The following BMERB1 variants were observed in gnomAD, a reference collection of about 807,000 sequenced individuals.
The protein encoded by BMERB1 is bMERB domain containing 1.
In BMERB1, 12 loss-of-function variants were observed where a neutral mutation model predicts 23.6. The ratio of observed to expected loss-of-function variants is 0.51; its 90% CI spans 0.33 to 0.82. The LOEUF (loss-of-function observed/expected upper bound fraction) is 0.82, where lower values mean the gene tolerates loss of function less well. BMERB1 is among the 40% of genes least tolerant of loss of function. The pLI is 0.03. For synonymous variants in BMERB1, 122 were observed against 96.6 expected (o/e 1.26, Z -1.54); for missense variants, 247 against 255.4 (o/e 0.97, Z 0.22).
intron 1 of BMERB1, among the ~76,000 whole-genome samples, chr16:15,437,923 A>G (rs2050902417): frequency 6.6e-6 from 1 of 151,034 alleles, no homozygotes; most frequent in African/African-American, 2.4e-5. Flanking sequence ...GCACCACTGC[A>G]CTCCAGCCTG....
In BMERB1 at chr16:15,583,243, G is replaced by GTA. The variant is rs750179762; in HGVS notation, c.502+10_502+11dup. ...AAGTAACCAAATCTCCAGCCAGTGA[G>GTA]TATATACATTATTCATTCCCCTCCC... On this transcript the variant is annotated splice_donor_region_variant and intron_variant, in intron 5 of 5. Transcript: ENST00000300006. The GTA allele has an allele frequency of 3.8e-6, 6 of 1,590,560 alleles. No individual in the cohort carries two copies. The highest frequency in any genetic ancestry group is 5.2e-6 in the Non-Finnish European group (6 of 1,158,710).
chr16:15,448,746 C>T (rs148825944), intron 1 of BMERB1, among the ~76,000 whole-genome samples: 2 of 152,232 alleles, frequency 1.3e-5, no homozygotes, highest in South Asian at 2.1e-4. Context: ...GAGCTGACAT[C>T]GCACTACTGC....
intron 2 of BMERB1, among the ~76,000 whole-genome samples, chr16:15,517,759 T>C (rs1011610598): frequency 2.1e-5 from 3 of 142,976 alleles, no homozygotes; most frequent in Non-Finnish European, 4.4e-5. Context: ...TTTGTGTGGA[T>C]GTGTGTGGAT....
intron 1 of BMERB1, among the ~76,000 whole-genome samples, chr16:15,441,878 G>A (rs1027171840): frequency 6.6e-6 from 1 of 152,114 alleles, no homozygotes; most frequent in Non-Finnish European, 1.5e-5. Flanking sequence ...AGTCCATAGC[G>A]GGGCAAGTGA....
intron 1 of BMERB1, among the ~76,000 whole-genome samples, chr16:15,512,038 A>AAAAAAAG (rs1555509799): frequency 3.2e-4 from 47 of 148,404 alleles, no homozygotes; most frequent in South Asian, 2.6e-3. Flanking sequence ...AAAAAAAAAA[A>AAAAAAAG]GGGGGAATTG....
intron 1 of BMERB1, among the ~76,000 whole-genome samples, chr16:15,487,592 T>C (rs1456200180): frequency 6.6e-6 from 1 of 152,208 alleles, no homozygotes; most frequent in Non-Finnish European, 1.5e-5. Flanking sequence ...TTTATTAAGT[T>C]TCTTAAGTTA....
intron 3 of BMERB1, among the ~76,000 whole-genome samples, chr16:15,572,099 G>C (rs762585253): frequency 3.9e-5 from 6 of 152,150 alleles, no homozygotes; most frequent in Admixed American, 2.0e-4. Context: ...TCCCACATAA[G>C]AACTACTACT....
chr16:15,585,682 T>C (rs2031123331), intron 5 of BMERB1, among the ~76,000 whole-genome samples: 1 of 151,988 alleles, frequency 6.6e-6, no homozygotes, highest in African/African-American at 2.4e-5. Flanking sequence ...GTACAAAAAT[T>C]AGCCAGGCAT....
chr16:15,535,476 T>C (rs571422452), intron 2 of BMERB1, among the ~76,000 whole-genome samples: 1 of 151,934 alleles, frequency 6.6e-6, no homozygotes, highest in South Asian at 2.1e-4. Flanking sequence ...TGAAACCCCA[T>C]CTCTACTAAA....
At chr16:15,439,005 C>G (rs900114652) in intron 1 of BMERB1, among the ~76,000 whole-genome samples, 1 of 152,102 alleles carries the variant, frequency 6.6e-6, no homozygotes, top group African/African-American at 2.4e-5. Flanking sequence ...TGTTTAACTT[C>G]CACACATTTT....
intron 1 of BMERB1, among the ~76,000 whole-genome samples, chr16:15,468,217 C>T (rs2051200682): frequency 8.0e-6 from 1 of 124,838 alleles, no homozygotes; most frequent in African/African-American, 3.0e-5. Context: ...ACGATCACAG[C>T]TCACTACAAA....
In BMERB1 at chr16:15,563,237, T is replaced by A. The variant is rs527379039; in HGVS notation, c.231-4746T>A. The stretch of plus-strand genomic sequence containing the variant: ...TCTCTATTATAAAGAAACAAAAAAA[T>A]TTTTTTTTGGGACGGAGACTCGCTC... On this transcript the variant is annotated intron_variant, in intron 2 of 5. Transcript: ENST00000300006. 1.3e-3 allele frequency among the ~76,000 whole-genome samples: 201 copies of A among 151,714 alleles called. 1 individual carries two copies. Among genetic ancestry groups the A allele is most frequent in the Middle Eastern group, 3.4e-3 (1 of 294 alleles).
intron 3 of BMERB1, among the ~76,000 whole-genome samples, chr16:15,580,767 G>A (rs113026107): frequency 5.3e-5 from 8 of 151,430 alleles, no homozygotes; most frequent in East Asian, 4.0e-4. Context: ...GGATGGTCTC[G>A]ATCTCCTGAC....
intron 3 of BMERB1, among the ~76,000 whole-genome samples, chr16:15,573,053 G>C (rs1433393258): frequency 6.6e-6 from 1 of 152,144 alleles, no homozygotes; most frequent in Non-Finnish European, 1.5e-5. Flanking sequence ...ACCCAGTTGC[G>C]GGTATGTTTT....
intron 2 of BMERB1, among the ~76,000 whole-genome samples, chr16:15,554,192 A>G (rs2030176465): frequency 6.6e-6 from 1 of 150,672 alleles, no homozygotes; most frequent in East Asian, 2.0e-4. Flanking sequence ...TCTTCCTTGA[A>G]CTCCAGTCAC....
intron 1 of BMERB1, among the ~76,000 whole-genome samples, chr16:15,478,252 C>G (rs141053859): frequency 6.6e-6 from 1 of 152,046 alleles, no homozygotes; most frequent in Non-Finnish European, 1.5e-5. Context: ...CTGCCTCTCC[C>G]GGGTTCAAGC....
chr16:15,454,617 A>T (rs768638320), intron 1 of BMERB1, among the ~76,000 whole-genome samples: 1 of 152,256 alleles, frequency 6.6e-6, no homozygotes, highest in South Asian at 2.1e-4. Flanking sequence ...ACATGGTGAA[A>T]CCCCATCTCT....
At chr16:15,585,443 A>C (rs1235835144) in intron 5 of BMERB1, among the ~76,000 whole-genome samples, 1 of 152,196 alleles carries the variant, frequency 6.6e-6, no homozygotes, top group African/African-American at 2.4e-5. Context: ...GATTTAGCAA[A>C]TGCAAAACTG....
chr16:15,536,570 C>T (rs886343841), intron 2 of BMERB1: 20 of 152,310 alleles, frequency 1.3e-4, no homozygotes, highest in African/African-American at 4.8e-4. Flanking sequence ...TGACTAATAT[C>T]CCTCAACAGC....
Sources: allele counts gnomAD v4.1 joint callset (sites outside exome capture counted in the v4.1 genomes callset), GRCh38; gene constraint gnomAD v4.1.1; transcripts MANE v1.5; gene names NCBI Gene and HGNC (gene_info 2026-07-23, HGNC 2026-07-21).